The following TPRG1 variants were observed in gnomAD, a reference collection of about 807,000 sequenced individuals.
TPRG1 encodes tumor protein p63 regulated 1, also known as tumor protein p63-regulated gene 1 protein.
Under a neutral mutation model 29.3 loss-of-function variants are expected in TPRG1, and 29 were observed. The observed-to-expected ratio is 0.99, with a 90% CI of 0.74 to 1.35. The LOEUF is 1.35. Among genes scored for constraint, TPRG1 ranks in the 40% most tolerant of loss-of-function variants. The pLI is 0.00. For synonymous variants in TPRG1, 130 were observed against 116.8 expected, an observed-to-expected ratio of 1.11 and a Z score of -0.73; for missense variants, 327 against 335.0, an observed-to-expected ratio of 0.98 and a Z score of 0.19.
intron 3 of TPRG1, among the ~76,000 whole-genome samples, chr3:189,136,917 G>A (rs1006690815): frequency 5.9e-5 from 9 of 152,078 alleles, no homozygotes; most frequent in Admixed American, 6.5e-5. Context: ...GATCTTTACT[G>A]AGGGCTACAA....
intron 1 of TPRG1, among the ~76,000 whole-genome samples, chr3:189,193,132 A>ATTTTTTTTTTTTTTTTTTTTTTTTTTTTT (rs555964454): frequency 3.3e-5 from 3 of 90,268 alleles, no homozygotes; most frequent in East Asian, 3.8e-4. Context: ...TTGACTTTTA[A>ATTTTTTTTTTTTTTTTTTTTTTTTTTTTT]TTTTTTTTTT....
chr3:189,030,385 A>G (rs886889425), intron 4 of TPRG1, among the ~76,000 whole-genome samples: 10 of 152,154 alleles, frequency 6.6e-5, no homozygotes, highest in African/African-American at 2.2e-4. Context: ...GCAATACTAT[A>G]CTCCTTTCTC....
At chr3:189,018,733 T>C (rs1560397050) in intron 3 of TPRG1, among the ~76,000 whole-genome samples, 1 of 151,674 alleles carries the variant, frequency 6.6e-6, no homozygotes, top group Non-Finnish European at 1.5e-5. Flanking sequence ...TGGTTCCATA[T>C]GAACTTTAAA....
At chr3:189,244,138 A>G (rs953619314) in intron 4 of TPRG1, among the ~76,000 whole-genome samples, 9 of 152,162 alleles carry the variant, frequency 5.9e-5, no homozygotes, top group African/African-American at 2.2e-4. Flanking sequence ...ATTTATTAAA[A>G]AAAGAGGTTT....
chr3:189,168,033 C>G (rs1352801160), upstream of TPRG1, among the ~76,000 whole-genome samples: 3 of 152,110 alleles, frequency 2.0e-5, no homozygotes, highest in African/African-American at 7.2e-5. Flanking sequence ...TGAAATTGTT[C>G]TCTTTCATTG....
chr3:189,321,180 C>T lies in TPRG1; in HGVS notation c.*360C>T, dbSNP rs1188141660. 7.2e-6 allele frequency: 1 copy of T among 139,346 alleles called. No individual in the cohort carries two copies. The highest frequency in any genetic ancestry group is 1.4e-5 in the Non-Finnish European group (1 of 69,292). The allele number at this position is 139,346 out of a possible 1,614,324, so 8.6% of individuals were successfully genotyped here. A position where few individuals can be genotyped will look rare whatever the true frequency, so the allele number is the denominator to read the frequency against. ...TTTTTTTTTTTTAGGTCTTGGTCTT[C>T]AGCCCTCTTATCCTGATTTATTCTC... On this transcript the variant is annotated 3_prime_UTR_variant, in exon 6 of 6. Coordinates refer to ENST00000345063, the MANE Select transcript of TPRG1 (RefSeq NM_198485.4).
At chr3:189,075,333 C>T (rs1288307629) in intron 4 of TPRG1, among the ~76,000 whole-genome samples, 1 of 151,812 alleles carries the variant, frequency 6.6e-6, no homozygotes, top group Admixed American at 6.6e-5. Context: ...TGGGGTTTCA[C>T]CATGTTGGCC....
rs554495024 is a variant in TPRG1 at position 189,320,957 on chromosome 3, C to T, written c.*137C>T. ...TTATGATTTAGAAATTTAGTATTTCCGAAAATTTAAAAGCTTGATTGGACT... is the reference window on the plus strand; with the variant it reads ...TTATGATTTAGAAATTTAGTATTTCTGAAAATTTAAAAGCTTGATTGGACT... On this transcript the variant is annotated 3_prime_UTR_variant, in exon 6 of 6. Transcript: ENST00000345063. 27 of 837,476 alleles carry T rather than the reference C, an allele frequency of 3.2e-5. No individual in the cohort carries two copies. Among genetic ancestry groups the T allele is most frequent in the Admixed American group, 1.1e-4 (3 of 28,390 alleles). 51.9% of individuals were successfully genotyped at this position (837,476 alleles called of 1,614,324 possible).
chr3:189,202,187 T>G (rs1471547628), intron 1 of TPRG1, among the ~76,000 whole-genome samples: 1 of 152,120 alleles, frequency 6.6e-6, no homozygotes, highest in Non-Finnish European at 1.5e-5. Context: ...TGTCTTTGCT[T>G]TTAAAAAAAG....
At chr3:189,290,406 C>T (rs1356831270) in intron 4 of TPRG1, among the ~76,000 whole-genome samples, 4 of 152,112 alleles carry the variant, frequency 2.6e-5, no homozygotes, top group East Asian at 1.9e-4. Context: ...CACATTTCAG[C>T]GATGAATCGA....
chr3:189,215,407 G>T (rs770313729), intron 3 of TPRG1, 24 bp downstream of exon 3: 1 of 1,593,770 alleles, frequency 6.3e-7, no homozygotes, highest in Non-Finnish European at 8.6e-7. Context: ...GCTAAGTGAA[G>T]GGCCGTGGAA....
chr3:189,202,115 G>A (rs192902388), intron 1 of TPRG1, among the ~76,000 whole-genome samples: 1 of 152,068 alleles, frequency 6.6e-6, no homozygotes, highest in Non-Finnish European at 1.5e-5. Flanking sequence ...AAGCTCTCAG[G>A]GTAGTTATTC....
chr3:189,235,981 T>C (rs1398365270), intron 3 of TPRG1, among the ~76,000 whole-genome samples: 1 of 152,222 alleles, frequency 6.6e-6, no homozygotes, highest in African/African-American at 2.4e-5. Flanking sequence ...TTTATTCCTA[T>C]ATTTGTTGTT....
chr3:189,111,117 CA>C lies in TPRG1; in HGVS notation c.-744+10921del, dbSNP rs35288926. Among the ~76,000 whole-genome samples the C allele has an allele frequency of 6.0e-5, 9 of 151,178 alleles. 1 individual carries two copies. In the East Asian group the frequency reaches 1.2e-3, roughly 20 times the overall value. On this transcript the variant is annotated intron_variant, in intron 1 of 6. Coordinates refer to the TPRG1 transcript ENST00000412373. ...GGCAATTTCTAAAAAAACAAACAAA[CA>C]AAAAAAATCTTACTAGAATTGCATT... is the stretch of plus-strand genomic sequence containing the variant.
intron 4 of TPRG1, among the ~76,000 whole-genome samples, chr3:189,295,496 C>CAAAAA (rs368195264): frequency 1.2e-5 from 1 of 85,518 alleles, no homozygotes; most frequent in Non-Finnish European, 2.1e-5. Flanking sequence ...ACTCAGATTG[C>CAAAAA]AAAAAAAAAA....
chr3:189,113,392 G>C (rs1448680284), intron 1 of TPRG1, among the ~76,000 whole-genome samples: 1 of 152,010 alleles, frequency 6.6e-6, no homozygotes, highest in African/African-American at 2.4e-5. Flanking sequence ...TAATTGCCCT[G>C]GCCAGAACTT....
chr3:189,202,300 C>A (rs1045818353), intron 1 of TPRG1, among the ~76,000 whole-genome samples: 2 of 152,076 alleles, frequency 1.3e-5, no homozygotes, highest in Admixed American at 6.5e-5. Context: ...GGAGAGCTAC[C>A]CCCCTCAGAC....
At chr3:189,301,774 C>T (rs955567790) in intron 4 of TPRG1, among the ~76,000 whole-genome samples, 12 of 152,192 alleles carry the variant, frequency 7.9e-5, no homozygotes, top group South Asian at 2.1e-4. Flanking sequence ...TATGCCTCTT[C>T]GTTCTCTAGT....
At chr3:189,140,270 G>A (rs1724365094) in intron 3 of TPRG1, among the ~76,000 whole-genome samples, 1 of 152,168 alleles carries the variant, frequency 6.6e-6, no homozygotes, top group African/African-American at 2.4e-5. Flanking sequence ...TAAAAGCGTA[G>A]GCTCCTGAAG....
Sources: gnomAD v4.1 joint callset for allele counts (sites outside exome capture counted in the v4.1 genomes callset) on GRCh38, gnomAD v4.1.1 for gene constraint, MANE v1.5 for transcripts, NCBI Gene and HGNC (gene_info 2026-07-23, HGNC 2026-07-21) for gene names.